The following MALRD1 variants were observed in gnomAD, a reference collection of about 807,000 sequenced individuals.
MALRD1 encodes the protein MAM and LDL receptor class A domain containing 1, also known as MAM and LDL-receptor class A domain-containing protein 1.
In MALRD1, 247 loss-of-function variants were observed where a neutral mutation model predicts 242.1. That is an observed-to-expected ratio of 1.02 (90% CI 0.92 to 1.13). The LOEUF is 1.13. Ranked by LOEUF, MALRD1 falls within the 50% of genes most tolerant of loss-of-function variation. The pLI, the probability that MALRD1 is intolerant of heterozygous loss-of-function variation, is 0.00. For synonymous variants in MALRD1, 995 were observed against 866.6 expected, an observed-to-expected ratio of 1.15 and a Z score of -2.60; for missense variants, 2,989 against 2,533.1, an observed-to-expected ratio of 1.18 and a Z score of -3.86.
chr10:19,273,642 C>T (rs1447878633), intron 19 of MALRD1, among the ~76,000 whole-genome samples: 2 of 152,150 alleles, frequency 1.3e-5, no homozygotes, highest in African/African-American at 2.4e-5. Context: ...GCTACATACC[C>T]TATGATTCTG....
rs1835523396 is a variant in MALRD1 at position 19,454,433 on chromosome 10, A to ATATATATATATATATATATATAT, written c.5029+3944_5029+3945insATATATATATATATATATATATT. Among the ~76,000 whole-genome samples the ATATATATATATATATATATATAT allele has an allele frequency of 1.4e-4, 8 of 55,424 alleles. 1 individual carries two copies. The East Asian group carries it at 1.8e-3, about 12-fold the overall frequency. 36.4% of individuals were successfully genotyped at this position (55,424 alleles called of 152,430 possible). A position where few individuals can be genotyped will look rare whatever the true frequency, so the allele number is the denominator to read the frequency against. ...ATATATATATATATATATATATATA[A>ATATATATATATATATATATATAT]TTATATGATACATACATATAAATTA... On this transcript the variant is annotated intron_variant, in intron 29 of 39. Coordinates refer to ENST00000454679, the MANE Select transcript of MALRD1 (RefSeq NM_001142308.3).
chr10:19,677,284 A>T (rs1842176094), intron 36 of MALRD1, among the ~76,000 whole-genome samples: 1 of 152,166 alleles, frequency 6.6e-6, no homozygotes, highest in African/African-American at 2.4e-5. Context: ...TCCCACCAGC[A>T]GTGTAAAAGC....
At chr10:19,059,619 T>C (rs1003562406) in intron 1 of MALRD1, among the ~76,000 whole-genome samples, 3 of 152,166 alleles carry the variant, frequency 2.0e-5, no homozygotes, top group African/African-American at 7.2e-5. Flanking sequence ...CTTGAACTCC[T>C]GACCTCAAGT....
chr10:19,229,184 G>A (rs1052037733), intron 18 of MALRD1, among the ~76,000 whole-genome samples: 22 of 152,112 alleles, frequency 1.4e-4, no homozygotes, highest in African/African-American at 3.9e-4. Flanking sequence ...GGCATGAATC[G>A]AGCATCTTTA....
intron 18 of MALRD1, among the ~76,000 whole-genome samples, chr10:19,238,479 T>TATA (rs1718514654): frequency 3.6e-5 from 1 of 27,748 alleles, no homozygotes; most frequent in South Asian, 1.4e-3. Flanking sequence ...ATATATAATA[T>TATA]ACATTATATA....
At chr10:19,325,554 C>T (rs1273004100) in intron 22 of MALRD1, among the ~76,000 whole-genome samples, 3 of 151,864 alleles carry the variant, frequency 2.0e-5, no homozygotes, top group South Asian at 2.1e-4. Flanking sequence ...GAGTAATATG[C>T]GTAGACACCT....
At chr10:19,522,383 A>C (rs1158369140) in intron 31 of MALRD1, among the ~76,000 whole-genome samples, 1 of 152,118 alleles carries the variant, frequency 6.6e-6, no homozygotes, top group Non-Finnish European at 1.5e-5. Flanking sequence ...TGAGGTTTTT[A>C]ATGTTTACCT....
chr10:19,288,508 A>G (rs974327320), intron 21 of MALRD1, among the ~76,000 whole-genome samples: 3 of 151,450 alleles, frequency 2.0e-5, no homozygotes, highest in African/African-American at 4.9e-5. Context: ...TTTTCTTTAC[A>G]TTTTTCCTTG....
intron 26 of MALRD1, among the ~76,000 whole-genome samples, chr10:19,372,715 G>A (rs187035666): frequency 6.6e-6 from 1 of 152,168 alleles, no homozygotes; most frequent in East Asian, 1.9e-4. Context: ...TGTTCCACCT[G>A]CCTCGGCCTC....
intron 18 of MALRD1, among the ~76,000 whole-genome samples, chr10:19,256,445 C>A (rs1839515527): frequency 6.6e-6 from 1 of 152,002 alleles, no homozygotes; most frequent in East Asian, 1.9e-4. Context: ...GCCTATAATG[C>A]CTTTCACTCA....
At chr10:19,333,424 C>A (rs896693401) in intron 24 of MALRD1, among the ~76,000 whole-genome samples, 1 of 152,098 alleles carries the variant, frequency 6.6e-6, no homozygotes, top group Non-Finnish European at 1.5e-5. Context: ...TGCATTAATT[C>A]ACTTAGAATT....
intron 19 of MALRD1, among the ~76,000 whole-genome samples, chr10:19,271,147 G>C (rs576912717): frequency 6.6e-6 from 1 of 152,148 alleles, no homozygotes; most frequent in Non-Finnish European, 1.5e-5. Flanking sequence ...AAGGAGAAAT[G>C]TACAAAATGA....
chr10:19,404,308 C>G (rs537399745), intron 28 of MALRD1, among the ~76,000 whole-genome samples: 1 of 151,890 alleles, frequency 6.6e-6, no homozygotes, highest in Non-Finnish European at 1.5e-5. Context: ...GAAAAAATCT[C>G]GTACAATAAT....
intron 36 of MALRD1, among the ~76,000 whole-genome samples, chr10:19,649,441 G>A (rs1840776376): frequency 6.6e-6 from 1 of 152,164 alleles, no homozygotes; most frequent in South Asian, 2.1e-4. Context: ...GGACAGGTGT[G>A]AGATGGTATC....
At chr10:19,614,729 T>C (rs1839060949) in intron 35 of MALRD1, among the ~76,000 whole-genome samples, 1 of 151,984 alleles carries the variant, frequency 6.6e-6, no homozygotes, top group Non-Finnish European at 1.5e-5. Flanking sequence ...AAATAAATGC[T>C]CTTGTTAAAC....
intron 32 of MALRD1, among the ~76,000 whole-genome samples, chr10:19,553,692 T>A (rs1835592576): frequency 6.6e-6 from 1 of 152,196 alleles, no homozygotes; most frequent in Admixed American, 6.5e-5. Flanking sequence ...ATTTAAATTA[T>A]TCTCCCTGTA....
intron 1 of MALRD1, chr10:19,052,221 C>T (rs1834529141): frequency 3.7e-6 from 1 of 269,230 alleles, no homozygotes; most frequent in Non-Finnish European, 7.3e-6. Context: ...AGGCCCTTCC[C>T]CTTTCCCCCC....
At chr10:19,539,869 T>C (rs960977610) in intron 32 of MALRD1, among the ~76,000 whole-genome samples, 1 of 76,266 alleles carries the variant, frequency 1.3e-5, no homozygotes, top group Non-Finnish European at 2.5e-5. Context: ...TGTGTGTGTG[T>C]GTGTGTGTGT....
At chr10:19,171,968 ATG>A in intron 13 of MALRD1, among the ~76,000 whole-genome samples, 2 of 33,692 alleles carry the variant, frequency 5.9e-5, no homozygotes, top group South Asian at 1.1e-3. Context: ...TATCACATAT[ATG>A]TGATATATAT....
Sources: gnomAD v4.1 joint callset for allele counts (sites outside exome capture counted in the v4.1 genomes callset) on GRCh38, gnomAD v4.1.1 for gene constraint, MANE v1.5 for transcripts, NCBI Gene and HGNC (gene_info 2026-07-23, HGNC 2026-07-21) for gene names.